SERPIND1: variants seen among roughly 807,000 people sequenced by gnomAD.
SERPIND1 encodes heparin cofactor 2.
Under a neutral mutation model 35.0 loss-of-function variants are expected in SERPIND1, and 34 were observed. The ratio of observed to expected loss-of-function variants is 0.97; its 90% CI spans 0.74 to 1.29. SERPIND1 has a LOEUF of 1.29. Ranked by LOEUF, SERPIND1 falls within the 50% of genes most tolerant of loss-of-function variation. SERPIND1 has a pLI of 0.00. For synonymous variants in SERPIND1, 236 were observed against 241.1 expected (o/e 0.98, Z 0.19); for missense variants, 633 against 637.7 (o/e 0.99, Z 0.08).
rs756525062 is a variant in SERPIND1, at chr22:20,784,061, C to G, written c.979C>G (p.Gln327Glu). The change falls in exon 3 of 5, where the codon CAG becomes GAG. Residue 327 changes from glutamine to glutamate, a missense_variant. Transcript: ENST00000215727. ...AGAGGTAGTTAAGGTTTCCATGATG[C>G]AGACCAAGGGGAACTTCCTCGCAGC... Reference protein sequence around the residue: ...EREVVKVSMMQTKGNFLAAND... With the variant: ...EREVVKVSMMETKGNFLAAND... The G allele has an allele frequency of 1.9e-6, 3 of 1,614,020 alleles. No individual in the cohort carries two copies. Among genetic ancestry groups the G allele is most frequent in the Non-Finnish European group, 2.5e-6 (3 of 1,180,036 alleles).
chr22:20,786,514 G>C (rs975396343), intron 4 of SERPIND1, among the ~76,000 whole-genome samples: 1 of 152,122 alleles, frequency 6.6e-6, no homozygotes. Context: ...TAAACCAATC[G>C]GGCGCTCAGC....
At position 20,787,233 on chromosome 22, in the gene SERPIND1, T is replaced by C. The variant is rs957355433; in HGVS notation, c.*167T>C. The C allele has an allele frequency of 7.4e-6, 5 of 676,108 alleles. No individual in the cohort carries two copies. Among genetic ancestry groups the C allele is most frequent in the Admixed American group, 2.2e-5 (1 of 44,768 alleles). 41.9% of individuals were successfully genotyped at this position (676,108 alleles called of 1,614,324 possible). On this transcript the variant is annotated 3_prime_UTR_variant, in exon 5 of 5. Transcript: ENST00000215727. ...AGAAACGACCAAGAAGAGAGGCTTGTTGGAATCAATTCTGCACAATAGCCC... is the reference window on the plus strand; with the variant it reads ...AGAAACGACCAAGAAGAGAGGCTTGCTGGAATCAATTCTGCACAATAGCCC...
chr22:20,785,664 A>C (rs1278360428), intron 3 of SERPIND1, among the ~76,000 whole-genome samples: 1 of 152,192 alleles, frequency 6.6e-6, no homozygotes, highest in Admixed American at 6.5e-5. Context: ...AAAAAACCAA[A>C]TGCCTAAAAT....
At chr22:20,786,803 T>G in intron 4 of SERPIND1, 72 bp from the exon 5 acceptor site, 15 of 1,414,856 alleles carry the variant, frequency 1.1e-5, no homozygotes, top group East Asian at 2.3e-5. Context: ...CTGAATGATA[T>G]GAGATTGTGC....
Position 20,779,878 on chromosome 22 carries a change from C to A in SERPIND1, c.566C>A (p.Ala189Asp). The change falls in exon 2 of 5, where the codon GCC becomes GAC. Residue 189 changes from alanine (A) to aspartate (D), a missense_variant. Ala to Asp is a moderately radical substitution (Grantham distance 126). Coordinates refer to ENST00000215727, the MANE Select transcript of SERPIND1 (RefSeq NM_000185.4). ...SILHFKDFVN[A>D]SSKYEITTIH... is the part of the protein sequence containing the mutation. ...TTGCATTTTAAAGACTTTGTTAATG[C>A]CAGCAGCAAGTATGAAATCACGACC... 1 of 1,614,210 alleles carries A rather than the reference C, an allele frequency of 6.2e-7. No homozygotes were observed. Among genetic ancestry groups the A allele is most frequent in the Non-Finnish European group, 8.5e-7 (1 of 1,180,040 alleles).
intron 2 of SERPIND1, among the ~76,000 whole-genome samples, chr22:20,782,037 T>TA (rs1349440906): frequency 6.6e-6 from 1 of 152,222 alleles, no homozygotes; most frequent in Non-Finnish European, 1.5e-5. Context: ...ATGATATTGT[T>TA]AGTGACATTT....
At position 20,784,097 on chromosome 22, in the gene SERPIND1, G is replaced by A. The variant is rs773945536; in HGVS notation, c.1015G>A (p.Glu339Lys). 4 of 1,614,052 alleles carry A rather than the reference G, an allele frequency of 2.5e-6. No homozygotes were observed. In the African/African-American group the frequency reaches 5.3e-5, roughly 22 times the overall value. Residue 339 changes from glutamate to lysine, a missense_variant, in exon 3 of 5, where the codon GAG (glutamate) becomes AAG (lysine). By Grantham distance (56) the Glu-to-Lys change is moderately conservative. Transcript: ENST00000215727. ...KGNFLAANDQ[E>K]LDCDILQLEY... Reference sequence around the variant, plus strand: ...GAACTTCCTCGCAGCAAATGACCAGGAGCTGGACTGCGACATCCTCCAGCT... The same window carrying A: ...GAACTTCCTCGCAGCAAATGACCAGAAGCTGGACTGCGACATCCTCCAGCT...
intron 2 of SERPIND1, 43 bp downstream of exon 2, chr22:20,780,244 A>G: frequency 1.2e-6 from 2 of 1,613,782 alleles, no homozygotes; most frequent in Non-Finnish European, 1.7e-6. Flanking sequence ...CCCACAACAT[A>G]CTATTTTTGT....
intron 4 of SERPIND1, 24 bp downstream of exon 4, chr22:20,786,172 C>T (rs970945877): frequency 1.5e-5 from 25 of 1,613,266 alleles, no homozygotes; most frequent in Non-Finnish European, 2.1e-5. Flanking sequence ...TGTCCACCCC[C>T]GACCCGTCCC....
At chr22:20,780,314 G>T (rs1933669665) in intron 2 of SERPIND1, 113 bp downstream of exon 2, 11 of 1,515,032 alleles carry the variant, frequency 7.3e-6, no homozygotes, top group Non-Finnish European at 9.1e-6. Context: ...AGGAAAACTA[G>T]ACACAAGATT....
chr22:20,779,230 T>C (rs758100513), intron 1 of SERPIND1, 67 bp from the exon 2 acceptor site: 16 of 1,606,938 alleles, frequency 1.0e-5, no homozygotes, highest in Admixed American at 3.3e-5. Flanking sequence ...GAACCTGCCA[T>C]GTGGATGCTG....
chr22:20,775,283 C>T (rs555397410), intron 1 of SERPIND1, among the ~76,000 whole-genome samples: 2 of 152,198 alleles, frequency 1.3e-5, no homozygotes, highest in East Asian at 3.9e-4. Context: ...TAATCACAAC[C>T]TAGTGATAGT....
At chr22:20,778,577 T>C (rs750792146) in intron 1 of SERPIND1, among the ~76,000 whole-genome samples, 1 of 152,076 alleles carries the variant, frequency 6.6e-6, no homozygotes, top group Admixed American at 6.6e-5. Flanking sequence ...CCCCAAAGAT[T>C]GCACAAATTT....
rs756453118 is a variant in SERPIND1 at position 20,783,961 on chromosome 22, G to A, written c.890-11G>A. 103 of 1,614,022 alleles carry A rather than the reference G, an allele frequency of 6.4e-5. No homozygotes were observed. The highest frequency in any genetic ancestry group is 8.2e-5 in the Non-Finnish European group (97 of 1,180,034). On this transcript the variant is annotated splice_polypyrimidine_tract_variant and intron_variant, in intron 2 of 4. Coordinates refer to ENST00000215727, the MANE Select transcript of SERPIND1 (RefSeq NM_000185.4). ...CCTTCTCATAACAGCCTCTTCCTGT[G>A]GCCTTTACAGGATCCTGGGTGAATA...
chr22:20,782,397 G>C (rs1016279380), intron 2 of SERPIND1, among the ~76,000 whole-genome samples: 4 of 152,178 alleles, frequency 2.6e-5, no homozygotes, highest in African/African-American at 7.2e-5. Flanking sequence ...CATCACAAGG[G>C]ATCAAATGCT....
At chr22:20,782,723 G>GT (rs1933893991) in intron 2 of SERPIND1, among the ~76,000 whole-genome samples, 1 of 152,122 alleles carries the variant, frequency 6.6e-6, no homozygotes, top group Non-Finnish European at 1.5e-5. Flanking sequence ...AGCATTACTG[G>GT]TATCTAGAAG....
intron 3 of SERPIND1, among the ~76,000 whole-genome samples, chr22:20,785,494 A>G (rs561354795): frequency 6.6e-6 from 1 of 152,348 alleles, no homozygotes; most frequent in Non-Finnish European, 1.5e-5. Flanking sequence ...TCCCCTGCAA[A>G]GTGCCAGACT....
At position 20,780,211 on chromosome 22, in the gene SERPIND1, A is replaced by AC. The variant is rs771599886; in HGVS notation, c.889+12dup. 6.2e-7 allele frequency: 1 copy of AC among 1,614,230 alleles called. No individual in the cohort carries two copies. The highest frequency in any genetic ancestry group is 8.5e-7 in the Non-Finnish European group (1 of 1,180,048). ...TGCATCTACTTCAAAGGTAAGAGGCACCTTTACAGTTCTCACAGCAAACCC... is the reference window on the plus strand; with the variant it reads ...TGCATCTACTTCAAAGGTAAGAGGCACCCTTTACAGTTCTCACAGCAAACCC... On this transcript the variant is annotated intron_variant, in intron 2 of 4. Transcript: ENST00000215727.
intron 4 of SERPIND1, among the ~76,000 whole-genome samples, chr22:20,786,637 C>T (rs1445138932): frequency 6.6e-6 from 1 of 152,166 alleles, no homozygotes; most frequent in African/African-American, 2.4e-5. Flanking sequence ...CACCAGCCCC[C>T]ACGACCCTCA....
Sources: allele counts gnomAD v4.1 joint callset (sites outside exome capture counted in the v4.1 genomes callset), GRCh38; gene constraint gnomAD v4.1.1; transcripts MANE v1.5; gene names NCBI Gene and HGNC (gene_info 2026-07-23, HGNC 2026-07-21).